Variants in IRAG2 observed in about 807,000 individuals in gnomAD.
The protein encoded by IRAG2 is lymphoid restricted membrane protein.
In IRAG2, 45 loss-of-function variants were observed where a neutral mutation model predicts 69.9. The ratio of observed to expected loss-of-function variants is 0.64; its 90% CI spans 0.51 to 0.83. The LOEUF (loss-of-function observed/expected upper bound fraction) is 0.83, where lower values mean the gene tolerates loss of function less well. Ranked by LOEUF, IRAG2 falls within the 40% of genes least tolerant of loss-of-function variation. IRAG2 has a pLI of 0.00. For synonymous variants in IRAG2, 193 were observed against 202.4 expected (o/e 0.95, Z 0.40); for missense variants, 520 against 587.0 (o/e 0.89, Z 1.18).
chr12:25,079,974 A>T (rs893261929), intron 9 of IRAG2, among the ~76,000 whole-genome samples: 2 of 152,170 alleles, frequency 1.3e-5, no homozygotes, highest in East Asian at 1.9e-4. Flanking sequence ...GATGGTATCA[A>T]TTTTTTTCGA....
intron 10 of IRAG2, among the ~76,000 whole-genome samples, chr12:25,085,277 T>C (rs962034494): frequency 6.6e-6 from 1 of 152,204 alleles, no homozygotes; most frequent in African/African-American, 2.4e-5. Context: ...AAGGTTTTAC[T>C]GAGTGGTGGA....
intron 1 of IRAG2, 61 bp downstream of exon 1, chr12:25,053,017 C>CT (rs1944944089): frequency 2.5e-6 from 1 of 397,892 alleles, no homozygotes; most frequent in South Asian, 1.3e-4. Flanking sequence ...GGGCATAGGA[C>CT]TACAGACATT....
rs1327738433 is a variant in IRAG2, at chr12:25,097,021, G to C, written c.718G>C (p.Glu240Gln). ...TGCAGCACGAGTGGCCAGTAGGGCT[G>C]AGATGTTGGGAGCCATCAATCAGGT... ...QCAARVASRA[E>Q]MLGAINQESR... Residue 240 changes from glutamate (E) to glutamine (Q), a missense_variant, in exon 15 of 22, where the codon GAG becomes CAG. Physicochemically the swap from Glu to Gln is conservative, Grantham distance 29. Transcript: ENST00000556887. 6.2e-7 allele frequency: 1 copy of C among 1,611,200 alleles called. No individual in the cohort carries two copies. The highest frequency in any genetic ancestry group is 8.5e-7 in the Non-Finnish European group (1 of 1,179,106).
intron 13 of IRAG2, among the ~76,000 whole-genome samples, chr12:25,034,170 T>G (rs1301707271): frequency 1.3e-5 from 2 of 152,200 alleles, no homozygotes; most frequent in Admixed American, 6.5e-5. Context: ...TGTGGAAGTG[T>G]GCATTCAGGG....
intron 15 of IRAG2, chr12:25,100,801 A>G (rs1948710472): frequency 6.5e-6 from 1 of 154,596 alleles, no homozygotes; most frequent in South Asian, 2.1e-4. Context: ...TGGCCACAGT[A>G]AGGAAGGAGT....
chr12:25,097,111 G>A, intron 15 of IRAG2, 67 bp downstream of exon 15: 3 of 1,468,706 alleles, frequency 2.0e-6, no homozygotes, highest in Non-Finnish European at 2.7e-6. Context: ...CTGAGACTAT[G>A]GATTTCTCAC....
rs61747486 is a variant in IRAG2 at position 25,069,386 on chromosome 12, G to A, written c.-22G>A. The A allele has an allele frequency of 1.8e-3, 2,840 of 1,613,206 alleles. 53 individuals carry two copies. In the African/African-American group the frequency reaches 0.034, roughly 20 times the overall value. On this transcript the variant is annotated 5_prime_UTR_variant, in exon 6 of 22. Transcript: ENST00000556887. ...CCACAAGTGGCCCCAGCCCAGGAACGAATCTCTCAGGCTGCATCAGGATGA... is the reference window on the plus strand; with the variant it reads ...CCACAAGTGGCCCCAGCCCAGGAACAAATCTCTCAGGCTGCATCAGGATGA...
In IRAG2 at chr12:25,107,936, C is replaced by T; in HGVS notation, c.1376C>T (p.Thr459Ile). The T allele has an allele frequency of 6.2e-7, 1 of 1,614,204 alleles. No individual in the cohort carries two copies. Among genetic ancestry groups the T allele is most frequent in the Non-Finnish European group, 8.5e-7 (1 of 1,180,034 alleles). ...VLFAALMSFL[T>I]GQLFQKSVDA... ...TTTGCAGCTTTGATGAGCTTCCTCA[C>T]AGGCCAATTATTCCAGAAGTCTGTG... Residue 459 changes from threonine to isoleucine, a missense_variant, in exon 22 of 22, where the codon ACA (threonine) becomes ATA (isoleucine). Coordinates refer to ENST00000556887, the MANE Select transcript of IRAG2 (RefSeq NM_001366544.2).
chr12:25,022,086 C>T (rs145220228), intron 7 of IRAG2, among the ~76,000 whole-genome samples: 1,928 of 152,226 alleles, frequency 0.013, 17 homozygotes, highest in Non-Finnish European at 0.015. Flanking sequence ...ACTCTAAGCC[C>T]GTGGGTCCTC....
At chr12:25,057,216 A>G (rs1591959556) in intron 1 of IRAG2, among the ~76,000 whole-genome samples, 1 of 150,520 alleles carries the variant, frequency 6.6e-6, no homozygotes, top group African/African-American at 2.5e-5. Context: ...GCACATACAT[A>G]CAGATAGGTA....
At chr12:25,008,111 A>G (rs181640053) in intron 2 of IRAG2, among the ~76,000 whole-genome samples, 32 of 152,330 alleles carry the variant, frequency 2.1e-4, no homozygotes, top group African/African-American at 7.7e-4. Context: ...ACTATTGATG[A>G]TGAAGGCCTA....
exon 6 of IRAG2, chr12:25,017,158 C>T (rs772693701): frequency 2.7e-5 from 33 of 1,231,848 alleles, no homozygotes; most frequent in South Asian, 4.1e-5. Context: ...TGATTGCCTA[C>T]GTAGCAGACC....
chr12:25,075,521 CGTGTGTGTGTGTGT>C (rs747046833), intron 6 of IRAG2, among the ~76,000 whole-genome samples: 3 of 139,268 alleles, frequency 2.2e-5, no homozygotes, highest in South Asian at 2.4e-4. Context: ...TGTGTGTATG[CGTGTGTGTGTGTGT>C]GTGTGTGTGT....
chr12:25,062,272 G>A (rs768326780), intron 2 of IRAG2, among the ~76,000 whole-genome samples: 48 of 152,084 alleles, frequency 3.2e-4, no homozygotes, highest in Non-Finnish European at 2.5e-4. Flanking sequence ...TGTTTCTAGG[G>A]CATCATGCAG....
At chr12:25,066,857 C>T (rs1946015882) in intron 5 of IRAG2, among the ~76,000 whole-genome samples, 1 of 151,904 alleles carries the variant, frequency 6.6e-6, no homozygotes, top group Non-Finnish European at 1.5e-5. Flanking sequence ...GCCACGTTGG[C>T]CAGGCTGGTC....
intron 2 of IRAG2, among the ~76,000 whole-genome samples, chr12:25,010,696 C>T (rs1565525224): frequency 1.3e-5 from 2 of 151,808 alleles, no homozygotes; most frequent in African/African-American, 2.4e-5. Flanking sequence ...AAGGGAAGAA[C>T]CTTCTCTGTG....
At chr12:25,018,486 G>A (rs539928852) in intron 6 of IRAG2, among the ~76,000 whole-genome samples, 2 of 152,158 alleles carry the variant, frequency 1.3e-5, no homozygotes, top group East Asian at 3.9e-4. Context: ...GATTACAGGA[G>A]GGGGAGCCAC....
At chr12:25,020,755 G>C (rs1455829564) in intron 6 of IRAG2, 3 of 1,041,690 alleles carry the variant, frequency 2.9e-6, no homozygotes, top group Admixed American at 4.3e-5. Flanking sequence ...TATATTTGAG[G>C]TTTTGCTCAT....
chr12:25,017,237 G>T lies in IRAG2; in HGVS notation c.1159G>T (p.Glu387Ter). ...TAAGTTGGCTTTAGAAACCCTGGAA[G>T]AAACTAACAGCCAGTTATCAGAGGA... is the stretch of plus-strand genomic sequence containing the variant. Residue 387 changes from glutamate to a stop codon, truncating the protein, a stop_gained, in exon 6 of 39, where the codon GAA becomes TAA. Coordinates refer to the IRAG2 transcript ENST00000636465. LOFTEE classifies it high-confidence loss of function. The T allele has an allele frequency of 8.1e-7, 1 of 1,232,140 alleles. No individual in the cohort carries two copies. Among genetic ancestry groups the T allele is most frequent in the Admixed American group, 4.2e-5 (1 of 23,716 alleles). The allele number at this position is 1,232,140 out of a possible 1,614,324, so 76.3% of individuals were successfully genotyped here.
Sources: gnomAD v4.1 joint callset for allele counts (sites outside exome capture counted in the v4.1 genomes callset) on GRCh38, gnomAD v4.1.1 for gene constraint, MANE v1.5 for transcripts, NCBI Gene and HGNC (gene_info 2026-07-23, HGNC 2026-07-21) for gene names.